Variants in SIN3B observed in about 807,000 individuals in gnomAD.
SIN3B encodes paired amphipathic helix protein Sin3b.
A neutral mutation model predicts 120.2 loss-of-function variants in SIN3B; 19 were observed. That is an observed-to-expected ratio of 0.16 (90% CI 0.11 to 0.23). SIN3B has a LOEUF of 0.23. Ranked by LOEUF, SIN3B falls within the 10% of genes least tolerant of loss-of-function variation. SIN3B has a pLI of 1.00. For synonymous variants in SIN3B, 654 were observed against 653.2 expected (o/e 1.00, Z -0.02); for missense variants, 1,073 against 1,573.0 (o/e 0.68, Z 5.38).
chr19:16,867,863 G>A (rs560814412), intron 12 of SIN3B, among the ~76,000 whole-genome samples: 36 of 152,226 alleles, frequency 2.4e-4, no homozygotes, highest in Admixed American at 7.2e-4. Context: ...AGTCCTCGGC[G>A]ATCCTCAAGC....
chr19:16,829,588 C>A, intron 1 of SIN3B, 48 bp downstream of exon 1: 1 of 1,258,814 alleles, frequency 7.9e-7, no homozygotes, highest in South Asian at 3.0e-5. Context: ...TTCTGGACCC[C>A]GCGGGCGGGC....
intron 11 of SIN3B, among the ~76,000 whole-genome samples, chr19:16,866,102 G>T (rs1029642659): frequency 2.6e-5 from 4 of 152,206 alleles, no homozygotes; most frequent in African/African-American, 9.6e-5. Context: ...CTGAGCAGGG[G>T]ACCTGAGTGG....
rs2051623809 is a variant in SIN3B, at chr19:16,877,466, C to T, written c.2860-79C>T. Reference sequence around the variant, plus strand: ...GGGGGCACAGAACCCCTGTGAGCTCCTGAACTCAGAGTCCAGAGTAAGAGT... The same window carrying T: ...GGGGGCACAGAACCCCTGTGAGCTCTTGAACTCAGAGTCCAGAGTAAGAGT... On this transcript the variant is annotated intron_variant, in intron 16 of 18. Transcript: ENST00000248054. 4.6e-6 allele frequency: 5 copies of T among 1,076,310 alleles called. 1 individual carries two copies. The Admixed American group carries it at 8.1e-5, about 17-fold the overall frequency. The allele number at this position is 1,076,310 out of a possible 1,614,324, so 66.7% of individuals were successfully genotyped here. A position where few individuals can be genotyped will look rare whatever the true frequency, so the allele number is the denominator to read the frequency against.
intron 8 of SIN3B, among the ~76,000 whole-genome samples, chr19:16,857,481 G>A (rs1262430461): frequency 6.7e-6 from 1 of 149,816 alleles, no homozygotes; most frequent in Non-Finnish European, 1.5e-5. Flanking sequence ...GGGGACAGGT[G>A]CTGTGTGAGC....
At chr19:16,839,387 C>T (rs1343274682) in intron 3 of SIN3B, among the ~76,000 whole-genome samples, 1 of 152,156 alleles carries the variant, frequency 6.6e-6, no homozygotes, top group African/African-American at 2.4e-5. Flanking sequence ...AGGTAACTGC[C>T]ACACTGTCCC....
chr19:16,855,986 G>T (rs1381067913), intron 8 of SIN3B, among the ~76,000 whole-genome samples: 2 of 152,114 alleles, frequency 1.3e-5, no homozygotes, highest in East Asian at 3.8e-4. Flanking sequence ...GAGCCAGGGA[G>T]GTCAAGGCTG....
intron 14 of SIN3B, among the ~76,000 whole-genome samples, chr19:16,874,443 ATTTGGTCTGGTCTGGT>A (rs1351467923): frequency 2.5e-5 from 3 of 121,128 alleles, no homozygotes; most frequent in Non-Finnish European, 5.1e-5. Context: ...GTTTGGTCTG[ATTTGGTCTGGTCTGGT>A]TTTGGTCTGG....
At chr19:16,846,938 C>T (rs374055409) in intron 4 of SIN3B, 32 bp from the exon 5 acceptor site, 96 of 1,608,572 alleles carry the variant, frequency 6.0e-5, no homozygotes, top group East Asian at 8.9e-5. Flanking sequence ...CCTTGACTAA[C>T]GACTTATTTT....
chr19:16,859,264 A>G (rs1410602310), intron 8 of SIN3B, among the ~76,000 whole-genome samples: 4 of 152,146 alleles, frequency 2.6e-5, no homozygotes, highest in South Asian at 4.1e-4. Context: ...CTCCAGCCCC[A>G]AAGCCAGCCC....
intron 8 of SIN3B, chr19:16,855,855 A>C (rs1213781887): frequency 6.6e-6 from 1 of 152,146 alleles, no homozygotes; most frequent in Non-Finnish European, 1.5e-5. Flanking sequence ...CAGGAATTAG[A>C]GACCAGTCTG....
At chr19:16,849,383 G>T (rs2144592459) in intron 5 of SIN3B, among the ~76,000 whole-genome samples, 1 of 152,334 alleles carries the variant, frequency 6.6e-6, no homozygotes, top group East Asian at 1.9e-4. Flanking sequence ...GGACAGGGCT[G>T]TGTGCCAATA....
intron 8 of SIN3B, among the ~76,000 whole-genome samples, chr19:16,860,242 G>C (rs925603478): frequency 2.0e-5 from 3 of 152,194 alleles, no homozygotes; most frequent in African/African-American, 7.2e-5. Flanking sequence ...TTCAACCTGC[G>C]GTCAAGTGCT....
At position 16,866,540 on chromosome 19, in the gene SIN3B, A is replaced by G; in HGVS notation, c.1790A>G (p.Glu597Gly). ...TCCAAGAGCTTGCTCAACGAGATCG[A>G]GAGCGTCTACGACGAGGTAAAGCCT... is the stretch of plus-strand genomic sequence containing the variant. ...LRSKSLLNEI[E>G]SVYDEHQEQH... The change falls in exon 12 of 19, where the codon GAG (glutamate) becomes GGG (glycine). Residue 597 changes from glutamate to glycine, a missense_variant. Around this residue, in one of 7 missense-constraint regions of SIN3B, gnomAD observed 169 missense variants for 207.3 expected, o/e 0.82. Coordinates refer to ENST00000248054, the MANE Select transcript of SIN3B (RefSeq NM_001297595.2). 6.2e-7 allele frequency: 1 copy of G among 1,613,772 alleles called. No individual in the cohort carries two copies. The highest frequency in any genetic ancestry group is 8.5e-7 in the Non-Finnish European group (1 of 1,179,986).
At position 16,871,415 on chromosome 19, in the gene SIN3B, T is replaced by G. The variant is rs776079527; in HGVS notation, c.2592+17T>G. The G allele has an allele frequency of 9.4e-6, 15 of 1,588,198 alleles. No individual in the cohort carries two copies. The highest frequency in any genetic ancestry group is 1.3e-5 in the African/African-American group (1 of 74,412). ...GCGCGGCAGGTGAGCCGGGCCGGGG[T>G]GGGGCCGGCCCTGAGGACGGCGGAA... On this transcript the variant is annotated intron_variant, in intron 14 of 18. Transcript: ENST00000248054.
intron 5 of SIN3B, among the ~76,000 whole-genome samples, chr19:16,850,139 G>A (rs892906703): frequency 2.6e-5 from 4 of 151,428 alleles, no homozygotes; most frequent in Non-Finnish European, 4.4e-5. Flanking sequence ...AGTCTTAACT[G>A]TGGCTAAATA....
rs1971697319 is a variant in SIN3B, at chr19:16,862,144, G to A, written c.1059-208G>A. Among the ~76,000 whole-genome samples, 1 of 152,220 alleles carries A rather than the reference G, an allele frequency of 6.6e-6. No individual in the cohort carries two copies. The highest frequency in any genetic ancestry group is 1.5e-5 in the Non-Finnish European group (1 of 68,034). On this transcript the variant is annotated intron_variant, in intron 8 of 18. Transcript: ENST00000248054. The surrounding 1 kb of genome is among the most constrained non-coding windows in gnomAD (Gnocchi z 4.7). The stretch of plus-strand genomic sequence containing the variant: ...ACAGGAAGGGACCTGGTGTGTGACA[G>A]ATGGGTGGGAGGCCCATTCATTCAC...
chr19:16,866,373 A>G lies in SIN3B; in HGVS notation c.1623A>G (p.Arg541=). ...GTGCTGACCTCTCTTCCCCCCGCAG[A>G]CTGAAGGCCAAGGAAGAGGAGTGGC... ...PVTAVPVVLK[R]LKAKEEEWRE... The change falls in exon 12 of 19, where the codon AGA becomes AGG. Residue 541 remains arginine (R), a splice_region_variant and synonymous_variant. Transcript: ENST00000248054. 3 of 1,610,752 alleles carry G rather than the reference A, an allele frequency of 1.9e-6. No individual in the cohort carries two copies. The highest frequency in any genetic ancestry group is 2.5e-6 in the Non-Finnish European group (3 of 1,178,310).
In SIN3B at chr19:16,829,465, C is replaced by G; in HGVS notation, c.45C>G (p.Gly15=). 8.2e-7 allele frequency: 1 copy of G among 1,215,924 alleles called. No individual in the cohort carries two copies. The highest frequency in any genetic ancestry group is 1.0e-6 in the Non-Finnish European group (1 of 977,524). 75.3% of individuals were successfully genotyped at this position (1,215,924 alleles called of 1,614,324 possible). ...GGGSGGSGAG[G]PAGRGLSGAR... is the part of the protein sequence containing the mutation. The stretch of plus-strand genomic sequence containing the variant: ...GCAGCGGTGGCAGCGGTGCCGGCGG[C>G]CCCGCGGGCCGGGGGCTGAGCGGCG... Residue 15 remains glycine, a synonymous_variant, in exon 1 of 19, where the codon GGC becomes GGG. Coordinates refer to ENST00000248054, the MANE Select transcript of SIN3B (RefSeq NM_001297595.2).
At position 16,878,551 on chromosome 19, in the gene SIN3B, C is replaced by A; in HGVS notation, c.3217C>A (p.Arg1073Ser). 1 of 1,604,610 alleles carries A rather than the reference C, an allele frequency of 6.2e-7. No homozygotes were observed. The highest frequency in any genetic ancestry group is 8.5e-7 in the Non-Finnish European group (1 of 1,175,904). The part of the protein sequence containing the change: ...HHQHFEEWHS[R>S]WLEDNVTVEA... ...CCAGCACTTTGAGGAGTGGCACAGC[C>A]GCTGGCTGGAGGACAATGTGACGGT... The change falls in exon 19 of 19, where the codon CGC (arginine) becomes AGC (serine). Residue 1073 changes from arginine (R) to serine (S), a missense_variant. Arg to Ser is a moderately radical substitution (Grantham distance 110). This residue lies in a region of SIN3B where 311 missense variants were observed against 400.3 expected (regional missense o/e 0.78). Coordinates refer to ENST00000248054, the MANE Select transcript of SIN3B (RefSeq NM_001297595.2).
Sources: allele counts gnomAD v4.1 joint callset (sites outside exome capture counted in the v4.1 genomes callset), GRCh38; gene constraint gnomAD v4.1.1; regional missense constraint gnomAD v4.1.1; non-coding constraint Gnocchi (gnomAD v3.1); transcripts MANE v1.5; gene names NCBI Gene and HGNC (gene_info 2026-07-23, HGNC 2026-07-21).